Variants in PXYLP1 observed in about 807,000 individuals in gnomAD.
The protein encoded by PXYLP1 is acid phosphatase-like 2.
Under a neutral mutation model 37.9 loss-of-function variants are expected in PXYLP1, and 17 were observed. The observed-to-expected ratio is 0.45, with a 90% CI of 0.31 to 0.67. The LOEUF is 0.67. PXYLP1 is among the 30% of genes least tolerant of loss of function. The pLI is 0.07. For synonymous variants in PXYLP1, 221 were observed against 232.2 expected, an observed-to-expected ratio of 0.95 and a Z score of 0.44; for missense variants, 511 against 612.0, an observed-to-expected ratio of 0.84 and a Z score of 1.74.
chr3:141,251,013 C>T (rs1028745912), intron 1 of PXYLP1, among the ~76,000 whole-genome samples: 1 of 152,204 alleles, frequency 6.6e-6, no homozygotes, highest in Non-Finnish European at 1.5e-5. Context: ...TGGTCAGTGA[C>T]GAGGTTTTCT....
At chr3:141,260,055 T>A in intron 1 of PXYLP1, 68 bp from the exon 2 acceptor site, 1 of 1,158,536 alleles carries the variant, frequency 8.6e-7, no homozygotes, top group African/African-American at 1.5e-5. Context: ...CAAGTTTGGT[T>A]ATTTTCAGTT....
At chr3:141,279,551 C>G (rs1004566398) in intron 4 of PXYLP1, 47 bp downstream of exon 4, 4 of 1,610,052 alleles carry the variant, frequency 2.5e-6, no homozygotes, top group African/African-American at 2.7e-5. Context: ...TCTGTTATAT[C>G]CTGTAGGATA....
At chr3:141,240,004 G>A (rs1037243984) in intron 1 of PXYLP1, among the ~76,000 whole-genome samples, 5 of 152,246 alleles carry the variant, frequency 3.3e-5, no homozygotes, top group African/African-American at 1.2e-4. Flanking sequence ...CTGGCTGAAA[G>A]TAGCAGAAAG....
At position 141,260,219 on chromosome 3, in the gene PXYLP1, C is replaced by T. The variant is rs374587080; in HGVS notation, c.44C>T (p.Ala15Val). 5.6e-5 allele frequency: 91 copies of T among 1,613,376 alleles called. No homozygotes were observed. Among genetic ancestry groups the T allele is most frequent in the Non-Finnish European group, 2.4e-5 (28 of 1,180,036 alleles). Residue 15 changes from alanine (A) to valine (V), a missense_variant, in exon 2 of 6, where the codon GCG (alanine) becomes GTG (valine). Transcript: ENST00000286353. ...TTCTTGCTGCTGCTGGCCCTGGCTGCGCTGCTGGCCTTTGTGAGCCTCAGC... is the reference window on the plus strand; with the variant it reads ...TTCTTGCTGCTGCTGGCCCTGGCTGTGCTGCTGGCCTTTGTGAGCCTCAGC... Reference protein sequence around the residue: ...NRFLLLLALAALLAFVSLSLQ... With the variant: ...NRFLLLLALAVLLAFVSLSLQ...
intron 2 of PXYLP1, chr3:141,274,222 G>A (rs1941735816): frequency 8.7e-7 from 1 of 1,143,296 alleles, no homozygotes. Flanking sequence ...AAGAGCTGAT[G>A]TGGTGAGTAG....
intron 1 of PXYLP1, among the ~76,000 whole-genome samples, chr3:141,254,161 C>T (rs1336699975): frequency 6.6e-6 from 1 of 152,162 alleles, no homozygotes; most frequent in African/African-American, 2.4e-5. Context: ...GATCTGCCCG[C>T]CACGGCCTCC....
At chr3:141,265,647 G>C (rs1459511350) in intron 2 of PXYLP1, among the ~76,000 whole-genome samples, 1 of 152,192 alleles carries the variant, frequency 6.6e-6, no homozygotes, top group South Asian at 2.1e-4. Flanking sequence ...GTGTCGTGGG[G>C]CTAGGATGAT....
intron 1 of PXYLP1, among the ~76,000 whole-genome samples, chr3:141,256,857 T>A (rs931496529): frequency 9.2e-5 from 14 of 151,710 alleles, no homozygotes; most frequent in Admixed American, 9.2e-4. Context: ...GAGCCAGAAG[T>A]GGGAGGGTGC....
chr3:141,245,643 T>C (rs1442234083), intron 1 of PXYLP1, among the ~76,000 whole-genome samples: 1 of 152,108 alleles, frequency 6.6e-6, no homozygotes, highest in Non-Finnish European at 1.5e-5. Context: ...TGACAAGTCA[T>C]AGAAAAGAAA....
chr3:141,291,474 C>G (rs1481746752), intron 5 of PXYLP1: 1 of 152,204 alleles, frequency 6.6e-6, no homozygotes, highest in Non-Finnish European at 1.5e-5. Context: ...ACCTCCGTCA[C>G]CCCCAGGGAA....
chr3:141,243,759 A>G (rs1480978726), intron 1 of PXYLP1, among the ~76,000 whole-genome samples: 1 of 152,158 alleles, frequency 6.6e-6, no homozygotes, highest in Admixed American at 6.5e-5. Flanking sequence ...CTCCCAGTCC[A>G]CCTAAGCACC....
intron 1 of PXYLP1, among the ~76,000 whole-genome samples, chr3:141,249,470 C>CTTTTT (rs564313232): frequency 4.3e-5 from 4 of 93,164 alleles, no homozygotes; most frequent in Admixed American, 1.2e-4. Flanking sequence ...ACTTTGGAAG[C>CTTTTT]TTTTTTTTTT....
chr3:141,240,606 G>A (rs1185071356), intron 1 of PXYLP1, among the ~76,000 whole-genome samples: 1 of 152,152 alleles, frequency 6.6e-6, no homozygotes, highest in African/African-American at 2.4e-5. Flanking sequence ...AGGAGGGAAA[G>A]GAGATGGGTA....
At chr3:141,274,524 T>G in intron 2 of PXYLP1, 1 of 1,470,682 alleles carries the variant, frequency 6.8e-7, no homozygotes, top group South Asian at 1.2e-5. Context: ...TGGATGCCCC[T>G]CACCCCAGAC....
rs775833116 is a variant in PXYLP1, at chr3:141,248,719, G to GTATA, written c.-53-11401_-53-11398dup. Among the ~76,000 whole-genome samples the GTATA allele has an allele frequency of 1.2e-3, 8 of 6,434 alleles. 1 individual carries two copies. Among genetic ancestry groups the GTATA allele is most frequent in the South Asian group, 8.5e-3 (1 of 118 alleles). The allele number at this position is 6,434 out of a possible 152,430, so 4.2% of individuals were successfully genotyped here. A position where few individuals can be genotyped will look rare whatever the true frequency, so the allele number is the denominator to read the frequency against. ...TACACACACGTGTATATATACACAC[G>GTATA]TATATACACACACGTGTATATATAC... On this transcript the variant is annotated intron_variant, in intron 1 of 5. Coordinates refer to ENST00000286353, the MANE Select transcript of PXYLP1 (RefSeq NM_001037172.3).
chr3:141,243,778 T>C (rs1243175150), intron 1 of PXYLP1, among the ~76,000 whole-genome samples: 2 of 152,258 alleles, frequency 1.3e-5, no homozygotes, highest in Non-Finnish European at 2.9e-5. Context: ...CCTCCACTGC[T>C]ACCTGAATTC....
intron 1 of PXYLP1, 130 bp from the exon 2 acceptor site, chr3:141,259,993 G>T: frequency 1.5e-6 from 1 of 645,384 alleles, no homozygotes; most frequent in Non-Finnish European, 2.7e-6. Context: ...TCCAGCTAGA[G>T]ATGCATGCTT....
chr3:141,238,711 T>C (rs1369556115), intron 1 of PXYLP1, among the ~76,000 whole-genome samples: 2 of 152,044 alleles, frequency 1.3e-5, no homozygotes, highest in African/African-American at 4.8e-5. Context: ...CATAGCCTAC[T>C]GTTAGCCAGA....
chr3:141,271,746 C>T (rs1428928250), intron 2 of PXYLP1, among the ~76,000 whole-genome samples: 1 of 152,194 alleles, frequency 6.6e-6, no homozygotes, highest in East Asian at 1.9e-4. Flanking sequence ...AAGTGTCTTC[C>T]ACATGGGACA....
Sources: gnomAD v4.1 joint callset for allele counts (sites outside exome capture counted in the v4.1 genomes callset) on GRCh38, gnomAD v4.1.1 for gene constraint, MANE v1.5 for transcripts, NCBI Gene and HGNC (gene_info 2026-07-23, HGNC 2026-07-21) for gene names.